The following KIF14 variants were observed in gnomAD, a reference collection of about 807,000 sequenced individuals.
The protein encoded by KIF14 is kinesin-like protein KIF14.
Under a neutral mutation model 176.2 loss-of-function variants are expected in KIF14, and 98 were observed. The ratio of observed to expected loss-of-function variants is 0.56; its 90% CI spans 0.47 to 0.66. The LOEUF (loss-of-function observed/expected upper bound fraction) is 0.66, where lower values mean the gene tolerates loss of function less well. Ranked by LOEUF, KIF14 falls within the 30% of genes least tolerant of loss-of-function variation. KIF14 has a pLI of 0.00. For missense variants in KIF14, 1,751 were observed against 1,920.4 expected (o/e 0.91, Z 1.65); for synonymous variants, 566 against 632.2 (o/e 0.90, Z 1.57).
chr1:200,610,040 G>A (rs534926249), intron 4 of KIF14, among the ~76,000 whole-genome samples: 156 of 152,352 alleles, frequency 1.0e-3, no homozygotes, highest in Middle Eastern at 6.8e-3. Flanking sequence ...GGATTGGGAA[G>A]AAGGGGGAAT....
chr1:200,602,165 A>G (rs1659660010), intron 10 of KIF14, 97 bp from the exon 11 acceptor site: 1 of 922,522 alleles, frequency 1.1e-6, no homozygotes, highest in Admixed American at 2.7e-5. Context: ...TATATAATAC[A>G]GTATTATTAT....
Position 200,565,171 on chromosome 1 carries a change from G to A in KIF14, c.3969C>T (p.His1323=). The A allele has an allele frequency of 6.2e-7, 1 of 1,613,914 alleles. No homozygotes were observed. The highest frequency in any genetic ancestry group is 1.3e-5 in the African/African-American group (1 of 75,054). ...AFEQLVVLMK[H]WLSDLLPCTN... is the part of the protein sequence containing the mutation. The stretch of plus-strand genomic sequence containing the variant: ...TACAAGGCAGTAAATCACTCAGCCA[G>A]TGTTTCATTAGCACTACTAGCTGCT... The change falls in exon 25 of 30, where the codon CAC becomes CAT. Residue 1323 remains histidine, a synonymous_variant. Coordinates refer to ENST00000367350, the MANE Select transcript of KIF14 (RefSeq NM_014875.3).
Position 200,614,334 on chromosome 1 carries a change from C to G in KIF14, c.1439G>C (p.Arg480Thr). 1.2e-6 allele frequency: 2 copies of G among 1,601,018 alleles called. No individual in the cohort carries two copies. ...FCEDLFSQVARKQTQEVSYHI... is the reference protein window; with the variant it reads ...FCEDLFSQVATKQTQEVSYHI... ...AGAACATACCTCTTGGGTTTGTTTT[C>G]TGGCTACTTGAGAAAAAAGATCTTC... Residue 480 changes from arginine (R) to threonine (T), a missense_variant, in exon 4 of 30, where the codon AGA becomes ACA. By Grantham distance (71) the Arg-to-Thr change is moderately conservative (BLOSUM62 -1). Coordinates refer to ENST00000367350, the MANE Select transcript of KIF14 (RefSeq NM_014875.3).
chr1:200,593,901 A>T, intron 14 of KIF14, 132 bp from the exon 15 acceptor site: 1 of 480,212 alleles, frequency 2.1e-6, no homozygotes, highest in Non-Finnish European at 3.6e-6. Flanking sequence ...ACAATAATTT[A>T]AAATTATTTT....
rs1247896382 is a variant in KIF14 at position 200,615,587 on chromosome 1, G to T, written c.1135C>A (p.Gln379Lys). The change falls in exon 3 of 30, where the codon CAG becomes AAG. Residue 379 changes from glutamine to lysine, a missense_variant. Coordinates refer to ENST00000367350, the MANE Select transcript of KIF14 (RefSeq NM_014875.3). Reference sequence around the variant, plus strand: ...TCTTTCCCACTCATGAAGACTACCTGGGATGCTTTTTCAATCTTCTCTCTT... The same window carrying T: ...TCTTTCCCACTCATGAAGACTACCTTGGATGCTTTTTCAATCTTCTCTCTT... The part of the protein sequence containing the change: ...TKREKIEKAS[Q>K]VVFMSGKEIT... 2 of 1,609,696 alleles carry T rather than the reference G, an allele frequency of 1.2e-6. No individual in the cohort carries two copies. The highest frequency in any genetic ancestry group is 1.7e-5 in the Admixed American group (1 of 58,996).
intron 24 of KIF14, 48 bp downstream of exon 24, chr1:200,565,397 A>G (rs1558049522): frequency 1.4e-6 from 2 of 1,478,904 alleles, no homozygotes; most frequent in Admixed American, 2.1e-5. Flanking sequence ...TGCAATGTGC[A>G]GAAAATAATC....
chr1:200,618,105 T>C lies in KIF14; in HGVS notation c.619A>G (p.Asn207Asp), dbSNP rs772567867. 2 of 1,614,154 alleles carry C rather than the reference T, an allele frequency of 1.2e-6. No individual in the cohort carries two copies. The highest frequency in any genetic ancestry group is 2.2e-5 in the South Asian group (2 of 91,086). ...KETFSAPSRA[N>D]ENVALKYSSN... Reference sequence around the variant, plus strand: ...GAGTACTTAAGTGCAACATTTTCATTTGCTCTACTGGGGGCAGAAAATGTT... The same window carrying C: ...GAGTACTTAAGTGCAACATTTTCATCTGCTCTACTGGGGGCAGAAAATGTT... Residue 207 changes from asparagine (N) to aspartate (D), a missense_variant, in exon 2 of 30, where the codon AAT (asparagine) becomes GAT (aspartate). Physicochemically the swap from Asn to Asp is conservative, Grantham distance 23. Transcript: ENST00000367350.
chr1:200,599,688 T>C (rs933203451), intron 13 of KIF14, among the ~76,000 whole-genome samples: 4 of 152,220 alleles, frequency 2.6e-5, no homozygotes, highest in Non-Finnish European at 5.9e-5. Flanking sequence ...TCTATTTACG[T>C]TTTGTAAATC....
At chr1:200,576,409 C>CGGA (rs1208432886) in intron 21 of KIF14, among the ~76,000 whole-genome samples, 7 of 145,426 alleles carry the variant, frequency 4.8e-5, no homozygotes, top group Non-Finnish European at 1.0e-4. Flanking sequence ...ACCCGGGAGG[C>CGGA]GGAGCTTGCA....
intron 21 of KIF14, 49 bp downstream of exon 21, chr1:200,580,205 T>C: frequency 9.9e-7 from 1 of 1,015,100 alleles, no homozygotes; most frequent in Non-Finnish European, 1.3e-6. Context: ...TGAACTTTTA[T>C]ACTTTTTTAT....
rs1226592755 is a variant in KIF14 at position 200,551,598 on chromosome 1, A to T, written c.*1790T>A. The T allele has an allele frequency of 6.6e-6, 1 of 152,212 alleles. No individual in the cohort carries two copies. The highest frequency in any genetic ancestry group is 1.5e-5 in the Non-Finnish European group (1 of 68,024). The allele number at this position is 152,212 out of a possible 1,614,324, so 9.4% of individuals were successfully genotyped here. Reference sequence around the variant, plus strand: ...CAAATATTTTTTCACCATTCATTCAAATACAGTATCACAATGTGTTTAGTA... The same window carrying T: ...CAAATATTTTTTCACCATTCATTCATATACAGTATCACAATGTGTTTAGTA... On this transcript the variant is annotated 3_prime_UTR_variant, in exon 30 of 30. Coordinates refer to ENST00000367350, the MANE Select transcript of KIF14 (RefSeq NM_014875.3).
rs1281628697 is a variant in KIF14 at position 200,605,715 on chromosome 1, T to A, written c.1638+149A>T. 4 of 554,204 alleles carry A rather than the reference T, an allele frequency of 7.2e-6. No individual in the cohort carries two copies. In the East Asian group the frequency reaches 1.4e-4, roughly 19 times the overall value. The allele number at this position is 554,204 out of a possible 1,614,324, so 34.3% of individuals were successfully genotyped here. A position where few individuals can be genotyped will look rare whatever the true frequency, so the allele number is the denominator to read the frequency against. On this transcript the variant is annotated intron_variant, in intron 7 of 29. Coordinates refer to ENST00000367350, the MANE Select transcript of KIF14 (RefSeq NM_014875.3). ...CATTTTTAATAAAGAAGAGCAATTA[T>A]TTTGATTAAAACTTAACAAAATCGG...
At chr1:200,585,516 G>A (rs1272628303) in intron 19 of KIF14, among the ~76,000 whole-genome samples, 4 of 152,132 alleles carry the variant, frequency 2.6e-5, no homozygotes, top group Admixed American at 1.3e-4. Context: ...TTAAAAACAT[G>A]CTGCACATTG....
intron 14 of KIF14, among the ~76,000 whole-genome samples, chr1:200,594,700 T>C (rs1234716549): frequency 6.6e-6 from 1 of 152,204 alleles, no homozygotes; most frequent in Non-Finnish European, 1.5e-5. Context: ...CAATTCATCT[T>C]TGGATTAACG....
At chr1:200,560,491 C>T (rs1292100304) in intron 26 of KIF14, among the ~76,000 whole-genome samples, 2 of 151,790 alleles carry the variant, frequency 1.3e-5, no homozygotes, top group Non-Finnish European at 2.9e-5. Flanking sequence ...AGGCTGATCT[C>T]GAACTCCTGA....
At chr1:200,565,353 T>A (rs1657388854) in intron 24 of KIF14, 92 bp downstream of exon 24, 2 of 1,388,742 alleles carry the variant, frequency 1.4e-6, no homozygotes, top group Non-Finnish European at 2.0e-6. Flanking sequence ...AAAAGATGCA[T>A]GCCAGATGTG....
chr1:200,564,165 G>A (rs145022185), intron 25 of KIF14, among the ~76,000 whole-genome samples: 1,868 of 140,500 alleles, frequency 0.013, 22 homozygotes, highest in Middle Eastern at 0.065. Context: ...GAGAGGCTGA[G>A]GCAGGAGAAT....
chr1:200,560,628 T>C (rs1657087781), intron 26 of KIF14, 94 bp downstream of exon 26: 1 of 1,331,630 alleles, frequency 7.5e-7, no homozygotes, highest in African/African-American at 1.5e-5. Flanking sequence ...TTTTGAAAAC[T>C]TAAAAAGAAC....
chr1:200,588,841 G>A (rs2102682640), intron 18 of KIF14, among the ~76,000 whole-genome samples: 1 of 152,306 alleles, frequency 6.6e-6, no homozygotes, highest in East Asian at 1.9e-4. Flanking sequence ...TCTCTCCACA[G>A]GCAGATGTTT....
Sources: allele counts gnomAD v4.1 joint callset (sites outside exome capture counted in the v4.1 genomes callset), GRCh38; gene constraint gnomAD v4.1.1; transcripts MANE v1.5; gene names NCBI Gene and HGNC (gene_info 2026-07-23, HGNC 2026-07-21).